The following MDGA2 variants were observed in gnomAD, a reference collection of about 807,000 sequenced individuals.
MDGA2 encodes the protein MAM domain containing glycosylphosphatidylinositol anchor 2.
Under a neutral mutation model 117.8 loss-of-function variants are expected in MDGA2, and 40 were observed. The observed-to-expected ratio is 0.34, with a 90% CI of 0.26 to 0.44. The LOEUF (loss-of-function observed/expected upper bound fraction) is 0.44, where lower values mean the gene tolerates loss of function less well. Among genes scored for constraint, MDGA2 ranks in the 20% least tolerant of loss-of-function variants. MDGA2 has a pLI of 1.00. For synonymous variants in MDGA2, 452 were observed against 439.0 expected (o/e 1.03, Z -0.37); for missense variants, 1,123 against 1,250.6 (o/e 0.90, Z 1.54).
At chr14:47,222,692 T>C (rs1225971661) in intron 2 of MDGA2, among the ~76,000 whole-genome samples, 5 of 152,196 alleles carry the variant, frequency 3.3e-5, no homozygotes, top group Non-Finnish European at 7.3e-5. Context: ...ATGTAGTTGA[T>C]AGCAAAGTAA....
chr14:47,534,514 C>G (rs1366414716), intron 1 of MDGA2, among the ~76,000 whole-genome samples: 1 of 152,084 alleles, frequency 6.6e-6, no homozygotes, highest in Non-Finnish European at 1.5e-5. Flanking sequence ...TACATAGCAG[C>G]AAGTGAGAGA....
At chr14:46,959,787 T>C (rs1394884084) in intron 8 of MDGA2, among the ~76,000 whole-genome samples, 1 of 152,204 alleles carries the variant, frequency 6.6e-6, no homozygotes, top group African/African-American at 2.4e-5. Context: ...GCAACATGCA[T>C]ACTTAAGTTA....
intron 1 of MDGA2, among the ~76,000 whole-genome samples, chr14:47,582,564 T>C (rs997505817): frequency 1.3e-5 from 2 of 151,908 alleles, no homozygotes; most frequent in African/African-American, 4.8e-5. Context: ...TTATAATATT[T>C]TGTATTTTCA....
intron 1 of MDGA2, among the ~76,000 whole-genome samples, chr14:47,326,226 T>C (rs1594797565): frequency 6.6e-6 from 1 of 152,106 alleles, no homozygotes; most frequent in Admixed American, 6.6e-5. Context: ...TCTTTCCACA[T>C]CCATAAATAT....
intron 1 of MDGA2, among the ~76,000 whole-genome samples, chr14:47,563,583 T>G (rs1895859366): frequency 1.6e-5 from 1 of 60,922 alleles, no homozygotes; most frequent in African/African-American, 5.2e-5. Flanking sequence ...TTTCTGTTTT[T>G]TTTTTTTTTT....
At chr14:47,642,582 A>C (rs1371515354) in intron 1 of MDGA2, among the ~76,000 whole-genome samples, 1 of 152,070 alleles carries the variant, frequency 6.6e-6, no homozygotes, top group South Asian at 2.1e-4. Context: ...CCAAGCAAAC[A>C]AACTGTGTTC....
chr14:47,311,649 G>A (rs901413447), intron 1 of MDGA2, among the ~76,000 whole-genome samples: 2 of 152,100 alleles, frequency 1.3e-5, no homozygotes, highest in East Asian at 1.9e-4. Flanking sequence ...CTCATGGACT[G>A]TAAACTTAGT....
At chr14:46,889,521 C>T (rs886212665) in intron 10 of MDGA2, among the ~76,000 whole-genome samples, 9 of 152,058 alleles carry the variant, frequency 5.9e-5, no homozygotes, top group African/African-American at 2.2e-4. Context: ...TCAACTTCAA[C>T]AGTTTTTTCT....
At chr14:46,905,910 G>A (rs1356776588) in intron 10 of MDGA2, among the ~76,000 whole-genome samples, 1 of 151,864 alleles carries the variant, frequency 6.6e-6, no homozygotes, top group Admixed American at 6.6e-5. Flanking sequence ...TATATAGTGG[G>A]CACTGAAAAT....
intron 4 of MDGA2, among the ~76,000 whole-genome samples, chr14:47,139,431 C>T (rs1402590078): frequency 1.3e-5 from 2 of 151,942 alleles, no homozygotes; most frequent in Non-Finnish European, 2.9e-5. Flanking sequence ...AATTATTGAT[C>T]ACCTTAAGTT....
intron 2 of MDGA2, among the ~76,000 whole-genome samples, chr14:47,243,450 A>G (rs1414445357): frequency 6.6e-6 from 1 of 151,656 alleles, no homozygotes; most frequent in Non-Finnish European, 1.5e-5. Context: ...ACTCTTTGCA[A>G]TAAATCTTGC....
At chr14:47,557,164 G>C (rs1895700212) in intron 1 of MDGA2, among the ~76,000 whole-genome samples, 1 of 152,064 alleles carries the variant, frequency 6.6e-6, no homozygotes, top group Non-Finnish European at 1.5e-5. Context: ...TATTATTCAG[G>C]AGTAAAATTG....
chr14:47,581,345 T>C (rs758454634), intron 1 of MDGA2, among the ~76,000 whole-genome samples: 2 of 151,998 alleles, frequency 1.3e-5, no homozygotes, highest in Non-Finnish European at 2.9e-5. Context: ...ATCCAAGCTC[T>C]GGTAAAGGAT....
intron 8 of MDGA2, among the ~76,000 whole-genome samples, chr14:47,024,986 G>C (rs964322933): frequency 6.6e-6 from 1 of 151,960 alleles, no homozygotes; most frequent in Non-Finnish European, 1.5e-5. Context: ...AAAGCCAAAA[G>C]GCCTATGAAG....
chr14:47,085,962 T>C (rs545879632), intron 6 of MDGA2, among the ~76,000 whole-genome samples: 2 of 152,150 alleles, frequency 1.3e-5, no homozygotes, highest in South Asian at 2.1e-4. Flanking sequence ...AAAGAATATA[T>C]CTCAATGCTT....
At chr14:46,976,720 C>T (rs538228607) in intron 8 of MDGA2, among the ~76,000 whole-genome samples, 1 of 151,942 alleles carries the variant, frequency 6.6e-6, no homozygotes, top group African/African-American at 2.4e-5. Context: ...ATCGTTCATT[C>T]GTTCAGACAC....
In MDGA2 at chr14:47,072,112, G is replaced by GGT. The variant is rs1555349485; in HGVS notation, c.1196-10535_1196-10534insAC. On this transcript the variant is annotated intron_variant, in intron 6 of 16. Transcript: ENST00000399232. ...TGGTTGTTGTTGTTTGGGGGGGGGGGGGTTTGCAGGTATTATATGTTGCAG... is the reference window on the plus strand; with the variant it reads ...TGGTTGTTGTTGTTTGGGGGGGGGGGGTGGTTTGCAGGTATTATATGTTGCAG... 2.6e-4 allele frequency among the ~76,000 whole-genome samples: 28 copies of GGT among 107,048 alleles called. 2 individuals are homozygous for GGT. The East Asian group carries it at 6.1e-3, about 23-fold the overall frequency. 70.2% of individuals were successfully genotyped at this position (107,048 alleles called of 152,430 possible).
chr14:46,914,270 A>G (rs1183934746), intron 10 of MDGA2, among the ~76,000 whole-genome samples: 1 of 152,084 alleles, frequency 6.6e-6, no homozygotes, highest in Non-Finnish European at 1.5e-5. Flanking sequence ...AAATAATTGG[A>G]GGTTAATAGC....
intron 15 of MDGA2, among the ~76,000 whole-genome samples, chr14:46,847,351 C>T (rs1053700334): frequency 6.6e-6 from 1 of 152,102 alleles, no homozygotes; most frequent in African/African-American, 2.4e-5. Context: ...AAAGCCATCT[C>T]TTTGAAAGAC....
Sources: gnomAD v4.1 joint callset for allele counts (sites outside exome capture counted in the v4.1 genomes callset) on GRCh38, gnomAD v4.1.1 for gene constraint, MANE v1.5 for transcripts, NCBI Gene and HGNC (gene_info 2026-07-23, HGNC 2026-07-21) for gene names.